GPM6A: variants seen among roughly 807,000 people sequenced by gnomAD.
The protein encoded by GPM6A is neuronal membrane glycoprotein M6-a.
GPM6A carries 7 observed loss-of-function variants against 32.1 expected under a neutral mutation model. The observed-to-expected ratio is 0.22, with a 90% confidence interval of 0.12 to 0.41. The LOEUF (loss-of-function observed/expected upper bound fraction) is 0.41, where lower values mean the gene tolerates loss of function less well. Ranked by LOEUF, GPM6A falls within the 10% of genes least tolerant of loss-of-function variation. The pLI is 1.00. For synonymous variants in GPM6A, 130 were observed against 123.4 expected, an observed-to-expected ratio of 1.05 and a Z score of -0.35; for missense variants, 235 against 347.2, an observed-to-expected ratio of 0.68 and a Z score of 2.57.
chr4:175,920,649 A>T (rs963681660), intron 1 of GPM6A, among the ~76,000 whole-genome samples: 1 of 152,130 alleles, frequency 6.6e-6, no homozygotes, highest in South Asian at 2.1e-4. Flanking sequence ...GGAGTTCGAG[A>T]CTAGCCTGGG....
At chr4:175,944,542 C>T (rs970763009) in intron 1 of GPM6A, among the ~76,000 whole-genome samples, 6 of 152,274 alleles carry the variant, frequency 3.9e-5, no homozygotes, top group African/African-American at 1.2e-4. Flanking sequence ...TATACACACA[C>T]GTACAAGACA....
chr4:175,976,633 T>C (rs1173844292), intron 1 of GPM6A, among the ~76,000 whole-genome samples: 4 of 152,178 alleles, frequency 2.6e-5, no homozygotes, highest in African/African-American at 9.7e-5. Context: ...GAGGGCAAAG[T>C]GCCACCAAGG....
At chr4:175,787,351 T>C (rs1733842848) in intron 1 of GPM6A, 3 of 1,534,452 alleles carry the variant, frequency 2.0e-6, no homozygotes, top group Non-Finnish European at 2.6e-6. Context: ...AGGTCTGTCA[T>C]AAAAGTGTGA....
intron 1 of GPM6A, among the ~76,000 whole-genome samples, chr4:175,739,428 A>G (rs926085458): frequency 1.3e-5 from 2 of 152,170 alleles, no homozygotes; most frequent in African/African-American, 4.8e-5. Context: ...ATTGCTAGAA[A>G]CAAATGTTCT....
intron 1 of GPM6A, among the ~76,000 whole-genome samples, chr4:175,737,363 C>CGCCTGTAATCCTGCAT: frequency 6.6e-6 from 1 of 152,070 alleles, no homozygotes; most frequent in East Asian, 1.9e-4. Context: ...TAATCCTGTA[C>CGCCTGTAATCCTGCAT]GCCTGTAATC....
chr4:175,651,193 A>C (rs1304171885), intron 4 of GPM6A, among the ~76,000 whole-genome samples: 1 of 152,146 alleles, frequency 6.6e-6, no homozygotes, highest in Non-Finnish European at 1.5e-5. Flanking sequence ...AAAAGAAGAA[A>C]ACAGTATGGC....
At chr4:175,968,982 A>G (rs2126418008) in intron 1 of GPM6A, among the ~76,000 whole-genome samples, 1 of 152,366 alleles carries the variant, frequency 6.6e-6, no homozygotes, top group East Asian at 1.9e-4. Context: ...TGGCAGTTTC[A>G]TTCATAATTG....
In GPM6A at chr4:175,711,439, TATATATATATATATATATAC is replaced by T. The variant is rs1374547176; in HGVS notation, c.38-9692_38-9673del. 1.8e-3 allele frequency among the ~76,000 whole-genome samples: 164 copies of T among 90,580 alleles called. 4 individuals are homozygous for T. The highest frequency in any genetic ancestry group is 3.4e-3 in the East Asian group (10 of 2,924). 59.4% of individuals were successfully genotyped at this position (90,580 alleles called of 152,430 possible). On this transcript the variant is annotated intron_variant, in intron 1 of 6. Coordinates refer to ENST00000393658, the MANE Select transcript of GPM6A (RefSeq NM_201591.3). ...ATATATATATATATATATATATATA[TATATATATATATATATATAC>T]ACACACATACATACATGTATATATA...
intron 1 of GPM6A, among the ~76,000 whole-genome samples, chr4:175,824,001 G>T (rs965129329): frequency 2.6e-5 from 4 of 152,124 alleles, no homozygotes; most frequent in Non-Finnish European, 5.9e-5. Flanking sequence ...TGTGAGTTAG[G>T]CATCTGAAAT....
At chr4:175,986,588 T>C (rs1740982387) in intron 1 of GPM6A, among the ~76,000 whole-genome samples, 1 of 152,200 alleles carries the variant, frequency 6.6e-6, no homozygotes, top group African/African-American at 2.4e-5. Context: ...ATTTTTGCAG[T>C]ACTTGACGTA....
intron 1 of GPM6A, among the ~76,000 whole-genome samples, chr4:175,963,616 T>C (rs1457831360): frequency 6.6e-6 from 1 of 152,134 alleles, no homozygotes; most frequent in African/African-American, 2.4e-5. Context: ...TGGTAGACGC[T>C]TCTTTAAAAG....
chr4:175,958,140 A>T (rs1292396865), intron 1 of GPM6A, among the ~76,000 whole-genome samples: 2 of 152,102 alleles, frequency 1.3e-5, no homozygotes, highest in Non-Finnish European at 2.9e-5. Context: ...TGACCCGCCC[A>T]CCTCAACCTC....
At chr4:175,679,944 A>T (rs1237815523) in intron 2 of GPM6A, among the ~76,000 whole-genome samples, 1 of 152,160 alleles carries the variant, frequency 6.6e-6, no homozygotes, top group Non-Finnish European at 1.5e-5. Context: ...AGAAACAGGC[A>T]TCTCTTTGAG....
chr4:175,950,321 T>G (rs1349241812), intron 1 of GPM6A, among the ~76,000 whole-genome samples: 1 of 152,198 alleles, frequency 6.6e-6, no homozygotes, highest in African/African-American at 2.4e-5. Context: ...TTTTACATTA[T>G]TTTAATGGCT....
intron 1 of GPM6A, among the ~76,000 whole-genome samples, chr4:175,706,191 T>C: frequency 1.3e-5 from 2 of 150,772 alleles, no homozygotes; most frequent in East Asian, 3.9e-4. Flanking sequence ...TCAAAGAAAA[T>C]AGAAGAAATA....
chr4:175,822,234 CCAAA>C (rs1213825102), intron 1 of GPM6A, among the ~76,000 whole-genome samples: 2 of 151,936 alleles, frequency 1.3e-5, no homozygotes, highest in East Asian at 1.9e-4. Flanking sequence ...GTTTGCATTC[CCAAA>C]CAGAGAATTG....
chr4:176,002,253 C>G, intron 1 of GPM6A: 1 of 1,552,296 alleles, frequency 6.4e-7, no homozygotes, highest in South Asian at 1.2e-5. Flanking sequence ...TTCTATAATG[C>G]CCATTCCCGA....
intron 1 of GPM6A, among the ~76,000 whole-genome samples, chr4:175,770,570 C>T (rs1011364621): frequency 4.6e-5 from 7 of 152,076 alleles, no homozygotes; most frequent in African/African-American, 1.7e-4. Flanking sequence ...ACACTTTCTT[C>T]TGTTTGTTCT....
intron 1 of GPM6A, among the ~76,000 whole-genome samples, chr4:175,729,985 T>G (rs1243838751): frequency 1.3e-5 from 2 of 149,866 alleles, no homozygotes; most frequent in Non-Finnish European, 3.0e-5. Flanking sequence ...TCTCCTGATA[T>G]CTAAAGATCC....
Sources: allele counts gnomAD v4.1 joint callset (sites outside exome capture counted in the v4.1 genomes callset), GRCh38; gene constraint gnomAD v4.1.1; transcripts MANE v1.5; gene names NCBI Gene and HGNC (gene_info 2026-07-23, HGNC 2026-07-21).